CCDC85A: variants seen among roughly 807,000 people sequenced by gnomAD.
CCDC85A encodes the protein coiled-coil domain-containing protein 85A.
A neutral mutation model predicts 50.2 loss-of-function variants in CCDC85A; 38 were observed. The ratio of observed to expected loss-of-function variants is 0.76; its 90% CI spans 0.58 to 0.99. The LOEUF is 0.99. CCDC85A is among the 50% of genes least tolerant of loss of function. The probability of loss-of-function intolerance (pLI) is 0.00; values close to 1 mark genes in which losing one functional copy is unlikely to be tolerated. For missense variants in CCDC85A, 820 were observed against 742.0 expected (o/e 1.11, Z -1.22); for synonymous variants, 366 against 301.4 (o/e 1.21, Z -2.22).
At chr2:56,277,737 T>G (rs1671017300) in intron 2 of CCDC85A, among the ~76,000 whole-genome samples, 1 of 152,378 alleles carries the variant, frequency 6.6e-6, no homozygotes, top group Non-Finnish European at 1.5e-5. Flanking sequence ...AAGACGAGAC[T>G]GTAGCCCTTA....
chr2:56,345,248 A>T (rs1018345773), intron 3 of CCDC85A, among the ~76,000 whole-genome samples: 18 of 152,076 alleles, frequency 1.2e-4, no homozygotes, highest in African/African-American at 3.9e-4. Context: ...TGTTTTATTG[A>T]TGCTAAGATG....
At chr2:56,363,939 G>A (rs1470022761) in intron 3 of CCDC85A, among the ~76,000 whole-genome samples, 1 of 152,138 alleles carries the variant, frequency 6.6e-6, no homozygotes, top group African/African-American at 2.4e-5. Context: ...ATTCAGATAT[G>A]TTCTCAGCAA....
intron 3 of CCDC85A, among the ~76,000 whole-genome samples, chr2:56,366,830 G>A (rs1485889872): frequency 1.3e-5 from 2 of 152,116 alleles, no homozygotes; most frequent in African/African-American, 2.4e-5. Context: ...CACATGTGAC[G>A]CAGAGAGTAG....
chr2:56,228,779 C>T (rs1573060106), intron 2 of CCDC85A, among the ~76,000 whole-genome samples: 2 of 152,082 alleles, frequency 1.3e-5, no homozygotes, highest in East Asian at 1.9e-4. Context: ...GTGATCCGCC[C>T]GCCTCGGCCT....
rs189563046 is a variant in CCDC85A, at chr2:56,292,958, A to G, written c.1241-49921A>G. Among the ~76,000 whole-genome samples, 16 of 152,308 alleles carry G rather than the reference A, an allele frequency of 1.1e-4. No individual in the cohort carries two copies. The East Asian group carries it at 3.1e-3, about 29-fold the overall frequency. On this transcript the variant is annotated intron_variant, in intron 2 of 5. Coordinates refer to ENST00000407595, the MANE Select transcript of CCDC85A (RefSeq NM_001080433.2). ...ATTGATAGTCAAGTTGGCAGAAATC[A>G]AGGGGGTTTAGAGCACCATTCCAGC...
In CCDC85A at chr2:56,184,497, C is replaced by T. The variant is rs1558570809; in HGVS notation, c.-128C>T. ...GACCCCCGCCGCCCCAACCCAGCGGCCCCTGGGCGGTGCCGCTGACTCGCC... is the reference window on the plus strand; with the variant it reads ...GACCCCCGCCGCCCCAACCCAGCGGTCCCTGGGCGGTGCCGCTGACTCGCC... On this transcript the variant is annotated 5_prime_UTR_variant, in exon 1 of 6. Transcript: ENST00000407595. 1.9e-6 allele frequency: 2 copies of T among 1,078,226 alleles called. No homozygotes were observed. Among genetic ancestry groups the T allele is most frequent in the Non-Finnish European group, 2.4e-6 (2 of 844,790 alleles). The allele number at this position is 1,078,226 out of a possible 1,614,324, so 66.8% of individuals were successfully genotyped here.
Position 56,375,925 on chromosome 2 carries a change from A to G in CCDC85A, c.1562A>G (p.His521Arg). 13 of 1,613,582 alleles carry G rather than the reference A, an allele frequency of 8.1e-6. No homozygotes were observed. The highest frequency in any genetic ancestry group is 1.0e-5 in the Non-Finnish European group (12 of 1,179,714). ...TPSQQPEPVV[H>R]SLKVVWRKLG... ...TCCCAGCAGCCTGAACCTGTGGTAC[A>G]TTCTCTTAAGGTAACCAATCGTGTG... is the stretch of plus-strand genomic sequence containing the variant. The change falls in exon 5 of 6, where the codon CAT becomes CGT. Residue 521 changes from histidine to arginine, a missense_variant. Transcript: ENST00000407595.
chr2:56,227,133 A>C (rs1668576219), intron 2 of CCDC85A, among the ~76,000 whole-genome samples: 2 of 152,198 alleles, frequency 1.3e-5, no homozygotes, highest in Admixed American at 1.3e-4. Context: ...CTGAAATCCG[A>C]GAACCAATGG....
At chr2:56,185,126 T>C (rs1675954396) in intron 1 of CCDC85A, among the ~76,000 whole-genome samples, 2 of 124,482 alleles carry the variant, frequency 1.6e-5, no homozygotes, top group South Asian at 5.1e-4. Context: ...TGTCTGGCTG[T>C]TCGGGGAGGC....
chr2:56,227,990 T>C (rs1254344012), intron 2 of CCDC85A, among the ~76,000 whole-genome samples: 1 of 152,198 alleles, frequency 6.6e-6, no homozygotes, highest in African/African-American at 2.4e-5. Flanking sequence ...ATCAGTCCTG[T>C]TTCACAATCG....
intron 2 of CCDC85A, among the ~76,000 whole-genome samples, chr2:56,291,757 A>G (rs906998518): frequency 6.8e-6 from 1 of 146,744 alleles, no homozygotes; most frequent in Non-Finnish European, 1.5e-5. Context: ...TTTTTACTCA[A>G]AGAAAAATGG....
chr2:56,349,035 C>T (rs1674769015), intron 3 of CCDC85A, among the ~76,000 whole-genome samples: 1 of 152,140 alleles, frequency 6.6e-6, no homozygotes, highest in Non-Finnish European at 1.5e-5. Context: ...TGGTATTCCT[C>T]AACTGTTATT....
chr2:56,315,679 T>C (rs139380159), intron 2 of CCDC85A, among the ~76,000 whole-genome samples: 50 of 152,146 alleles, frequency 3.3e-4, no homozygotes, highest in African/African-American at 9.9e-4. Context: ...ATTTAGTCAG[T>C]GGGGGCTCTG....
At chr2:56,277,499 G>A (rs1671007376) in intron 2 of CCDC85A, among the ~76,000 whole-genome samples, 1 of 152,062 alleles carries the variant, frequency 6.6e-6, no homozygotes, top group South Asian at 2.1e-4. Flanking sequence ...TGACACTGGA[G>A]ACATGGAAGC....
In CCDC85A at chr2:56,329,945, G is replaced by GTTTT. The variant is rs535050957; in HGVS notation, c.1241-12901_1241-12898dup. On this transcript the variant is annotated intron_variant, in intron 2 of 5. Transcript: ENST00000407595. ...AAAATTTGTTTTTTACAGATTTCCT[G>GTTTT]TTTTTTTTTTTTTTTTTTTTTTTTT... is the stretch of plus-strand genomic sequence containing the variant. Among the ~76,000 whole-genome samples, 17 of 44,160 alleles carry GTTTT rather than the reference G, an allele frequency of 3.8e-4. 1 individual carries two copies. Among genetic ancestry groups the GTTTT allele is most frequent in the East Asian group, 1.1e-3 (2 of 1,796 alleles). 29.0% of individuals were successfully genotyped at this position (44,160 alleles called of 152,430 possible).
At chr2:56,188,071 T>A (rs1419029082) in intron 1 of CCDC85A, among the ~76,000 whole-genome samples, 1 of 152,232 alleles carries the variant, frequency 6.6e-6, no homozygotes, top group Non-Finnish European at 1.5e-5. Flanking sequence ...GAAATTTTGG[T>A]TGGTGTGCTA....
At chr2:56,261,517 C>A (rs535473180) in intron 2 of CCDC85A, among the ~76,000 whole-genome samples, 1 of 152,064 alleles carries the variant, frequency 6.6e-6, no homozygotes, top group Non-Finnish European at 1.5e-5. Flanking sequence ...GTTGTATTCC[C>A]ACAATGTGTG....
chr2:56,226,423 A>T (rs532931162), intron 2 of CCDC85A, among the ~76,000 whole-genome samples: 6 of 152,290 alleles, frequency 3.9e-5, no homozygotes, highest in Admixed American at 3.3e-4. Flanking sequence ...GTCCCAGATA[A>T]CTAAGACTGA....
chr2:56,185,357 A>C (rs985521705), intron 1 of CCDC85A, among the ~76,000 whole-genome samples: 1 of 152,124 alleles, frequency 6.6e-6, no homozygotes, highest in African/African-American at 2.4e-5. Flanking sequence ...AAAGGGCGCC[A>C]CTGCCAGGGA....
Sources: allele counts gnomAD v4.1 joint callset (sites outside exome capture counted in the v4.1 genomes callset), GRCh38; gene constraint gnomAD v4.1.1; transcripts MANE v1.5; gene names NCBI Gene and HGNC (gene_info 2026-07-23, HGNC 2026-07-21).